Variants in KIAA1549 observed in about 807,000 individuals in gnomAD.
KIAA1549 encodes the protein KIAA1549.
A neutral mutation model predicts 156.4 loss-of-function variants in KIAA1549; 70 were observed. That is an observed-to-expected ratio of 0.45 (90% CI 0.37 to 0.55). The LOEUF (loss-of-function observed/expected upper bound fraction) is 0.55, where lower values mean the gene tolerates loss of function less well. Ranked by LOEUF, KIAA1549 falls within the 20% of genes least tolerant of loss-of-function variation. KIAA1549 has a pLI of 0.00. For missense variants in KIAA1549, 2,428 were observed against 2,540.9 expected (o/e 0.96, Z 0.96); for synonymous variants, 1,103 against 1,066.4 (o/e 1.03, Z -0.67).
intron 10 of KIAA1549, among the ~76,000 whole-genome samples, chr7:138,884,027 C>T (rs1352107669): frequency 6.6e-6 from 1 of 152,192 alleles, no homozygotes; most frequent in Non-Finnish European, 1.5e-5. Context: ...CATTCAGCCC[C>T]ACCCCCCAAC....
At position 138,899,062 on chromosome 7, in the gene KIAA1549, T is replaced by C; in HGVS notation, c.3740A>G (p.Asp1247Gly). 6.2e-7 allele frequency: 1 copy of C among 1,613,802 alleles called. No individual in the cohort carries two copies. Among genetic ancestry groups the C allele is most frequent in the South Asian group, 1.1e-5 (1 of 91,078 alleles). Reference sequence around the variant, plus strand: ...CTTGACTGCACTGAGTCTTTCTCCATCTTGATCCTCCACAAAGTAGATGAG... The same window carrying C: ...CTTGACTGCACTGAGTCTTTCTCCACCTTGATCCTCCACAAAGTAGATGAG... ...VQLIYFVEDQ[D>G]GERLSAVKSS... The change falls in exon 9 of 20, where the codon GAT (aspartate) becomes GGT (glycine). Residue 1247 changes from aspartate to glycine, a missense_variant. Around this residue, in one of 5 missense-constraint regions of KIAA1549, gnomAD observed 762 missense variants for 901.6 expected, o/e 0.85. Transcript: ENST00000422774.
At position 138,838,056 on chromosome 7, in the gene KIAA1549, C is replaced by T. The variant is rs764369339; in HGVS notation, c.5703G>A (p.Arg1901=). ...AACCCAGCCCAGGGCCCTGCAGTCC[C>T]CGGTGGGGGAGGTTCCCGGAAGGAG... ...PSAPSGNLPH[R]GLQGPGLGYP... is the part of the protein sequence containing the mutation. The change falls in exon 20 of 20, where the codon CGG becomes CGA. Residue 1901 remains arginine (R), a synonymous_variant. Transcript: ENST00000422774. 6.3e-7 allele frequency: 1 copy of T among 1,599,038 alleles called. No homozygotes were observed. The highest frequency in any genetic ancestry group is 8.5e-7 in the Non-Finnish European group (1 of 1,173,218).
intron 3 of KIAA1549, 41 bp downstream of exon 3, chr7:138,912,331 A>C: frequency 6.8e-7 from 1 of 1,466,734 alleles, no homozygotes; most frequent in East Asian, 2.3e-5. Context: ...CATCAGCCCC[A>C]GTCTCACCAG....
intron 2 of KIAA1549, among the ~76,000 whole-genome samples, chr7:138,914,215 C>A (rs114153982): frequency 6.6e-6 from 1 of 152,194 alleles, no homozygotes; most frequent in Non-Finnish European, 1.5e-5. Context: ...ACAGCCACCA[C>A]CATGACCTCC....
At chr7:138,927,157 T>G (rs920389380) in intron 1 of KIAA1549, among the ~76,000 whole-genome samples, 9 of 152,232 alleles carry the variant, frequency 5.9e-5, no homozygotes, top group African/African-American at 1.9e-4. Context: ...TTTTTCATTT[T>G]CACTTCAACA....
At chr7:138,850,979 ATTTTACAGTTGAG>A (rs1293179664) in intron 17 of KIAA1549, among the ~76,000 whole-genome samples, 1 of 152,190 alleles carries the variant, frequency 6.6e-6, no homozygotes, top group Non-Finnish European at 1.5e-5. Flanking sequence ...AGGAAGCTGT[ATTTTACAGTTGAG>A]TCCAGGGTTC....
chr7:138,852,792 C>T (rs1266818650), intron 16 of KIAA1549, among the ~76,000 whole-genome samples: 3 of 152,180 alleles, frequency 2.0e-5, no homozygotes, highest in Non-Finnish European at 4.4e-5. Context: ...AAAAAGAAAA[C>T]CAGAAACTAG....
chr7:138,933,919 T>C (rs911955376), intron 1 of KIAA1549, among the ~76,000 whole-genome samples: 10 of 152,194 alleles, frequency 6.6e-5, no homozygotes, highest in African/African-American at 1.9e-4. Context: ...TGAGCTGAGA[T>C]TGTGCCACTG....
At chr7:138,902,413 G>C (rs1811868215) in intron 8 of KIAA1549, among the ~76,000 whole-genome samples, 1 of 151,976 alleles carries the variant, frequency 6.6e-6, no homozygotes, top group Non-Finnish European at 1.5e-5. Flanking sequence ...GTTCTACCCT[G>C]GTTTCCTGTT....
chr7:138,947,240 A>G (rs1262717023), intron 1 of KIAA1549, among the ~76,000 whole-genome samples: 1 of 152,230 alleles, frequency 6.6e-6, no homozygotes. Context: ...TTAACTTACT[A>G]GCATCCATGA....
intron 1 of KIAA1549, among the ~76,000 whole-genome samples, chr7:138,968,936 T>A (rs1335387585): frequency 1.3e-5 from 2 of 150,636 alleles, no homozygotes; most frequent in African/African-American, 2.5e-5. Context: ...ATCCTTTTTT[T>A]AACTTTATTT....
intron 8 of KIAA1549, among the ~76,000 whole-genome samples, chr7:138,900,473 GTA>G (rs1209537103): frequency 6.6e-6 from 1 of 152,162 alleles, no homozygotes; most frequent in African/African-American, 2.4e-5. Context: ...AATTTAAAAA[GTA>G]TAGTTTCTTC....
At chr7:138,839,975 A>G (rs1156550113) in intron 19 of KIAA1549, among the ~76,000 whole-genome samples, 158 bp downstream of exon 19, 1 of 151,570 alleles carries the variant, frequency 6.6e-6, no homozygotes, top group Non-Finnish European at 1.5e-5. Flanking sequence ...TATTTTTAGT[A>G]GAGACGGGAT....
chr7:138,974,307 G>C (rs1814308059), intron 1 of KIAA1549, among the ~76,000 whole-genome samples: 1 of 152,054 alleles, frequency 6.6e-6, no homozygotes, highest in South Asian at 2.1e-4. Flanking sequence ...GTGAGGTGGA[G>C]GGTGGCGGTG....
In KIAA1549 at chr7:138,848,968, A is replaced by G. The variant is rs370563851; in HGVS notation, c.5294+3255T>C. Among the ~76,000 whole-genome samples the G allele has an allele frequency of 3.3e-5, 5 of 152,316 alleles. No individual in the cohort carries two copies. The East Asian group carries it at 7.7e-4, about 23-fold the overall frequency. ...GGGTAGTTTCAAACGCCTGAGCTTA[A>G]GCAATCATCCCATCTCAGCCTCCAG... On this transcript the variant is annotated intron_variant, in intron 17 of 19. Coordinates refer to ENST00000422774, the MANE Select transcript of KIAA1549 (RefSeq NM_001164665.2).
In KIAA1549 at chr7:138,861,389, A is replaced by T; in HGVS notation, c.4997T>A (p.Leu1666His). ...SSVELGRYPA[L>H]PFPASQYIPP... ...GATGTACTGGGAGGCCGGGAAGGGA[A>T]GGGCTGGATACCTCCCCAGTTCCAC... Residue 1666 changes from leucine (L) to histidine (H), a missense_variant, in exon 16 of 20, where the codon CTT becomes CAT. Leu to His is a moderately conservative substitution (Grantham distance 99, BLOSUM62 -3). Coordinates refer to ENST00000422774, the MANE Select transcript of KIAA1549 (RefSeq NM_001164665.2). 6.2e-7 allele frequency: 1 copy of T among 1,611,656 alleles called. No homozygotes were observed. Among genetic ancestry groups the T allele is most frequent in the Non-Finnish European group, 8.5e-7 (1 of 1,179,214 alleles).
Position 138,918,668 on chromosome 7 carries a change from C to G in KIAA1549, c.958G>C (p.Asp320His), listed in dbSNP as rs61978615. Residue 320 changes from aspartate (D) to histidine (H), a missense_variant, in exon 2 of 20, where the codon GAC (aspartate) becomes CAC (histidine). Physicochemically the swap from Asp to His is moderately conservative, Grantham distance 81. Around this residue, in one of 5 missense-constraint regions of KIAA1549, gnomAD observed 893 missense variants for 847.9 expected, o/e 1.05. Coordinates refer to ENST00000422774, the MANE Select transcript of KIAA1549 (RefSeq NM_001164665.2). This position sits in a 1 kb window ranked among gnomAD's most constrained non-coding sequence, Gnocchi z 4.2. ...PPEEVWATSA[D>H]RYTDVTTVLS... ...ACAGTGGTCACATCAGTGTATCTGT[C>G]TGCACTTGTGGCCCAAACCTCCTCT... 1 of 1,613,836 alleles carries G rather than the reference C, an allele frequency of 6.2e-7. No individual in the cohort carries two copies. Among genetic ancestry groups the G allele is most frequent in the East Asian group, 2.2e-5 (1 of 44,884 alleles).
rs367803830 is a variant in KIAA1549, at chr7:138,861,260, C to A, written c.5126G>T (p.Gly1709Val). The change falls in exon 16 of 20, where the codon GGT (glycine) becomes GTT (valine). Residue 1709 changes from glycine (G) to valine (V), a missense_variant. Gly to Val is a moderately radical substitution (Grantham distance 109). Transcript: ENST00000422774. ...GCCGGGTGGGACTCCGGGGCCTACA[C>A]CTGCGGTGCTGGCAGGCTGGCTGCT... ...APSSQPASTA[G>V]VGPGVPPGLP... The A allele has an allele frequency of 3.1e-6, 5 of 1,609,472 alleles. No homozygotes were observed. The highest frequency in any genetic ancestry group is 4.2e-6 in the Non-Finnish European group (5 of 1,178,808).
chr7:138,970,782 C>T (rs181365614), intron 1 of KIAA1549, among the ~76,000 whole-genome samples: 75 of 152,328 alleles, frequency 4.9e-4, no homozygotes, highest in Non-Finnish European at 7.3e-4. Flanking sequence ...GAAGCTGGCT[C>T]CATAAGATCA....
Sources: gnomAD v4.1 joint callset for allele counts (sites outside exome capture counted in the v4.1 genomes callset) on GRCh38, gnomAD v4.1.1 for gene constraint, gnomAD v4.1.1 regional missense constraint, Gnocchi (gnomAD v3.1) non-coding constraint, MANE v1.5 for transcripts, NCBI Gene and HGNC (gene_info 2026-07-23, HGNC 2026-07-21) for gene names.